The following CAPG variants were observed in gnomAD, a reference collection of about 807,000 sequenced individuals.
CAPG encodes the protein macrophage-capping protein.
A neutral mutation model predicts 44.6 loss-of-function variants in CAPG; 32 were observed. The ratio of observed to expected loss-of-function variants is 0.72; its 90% confidence interval spans 0.54 to 0.96. The LOEUF is 0.96. CAPG is among the 50% of genes least tolerant of loss of function. The pLI is 0.00. For missense variants in CAPG, 412 were observed against 438.3 expected (o/e 0.94, Z 0.54); for synonymous variants, 175 against 179.6 (o/e 0.97, Z 0.20).
At chr2:85,404,488 C>G (rs1260611681) in intron 1 of CAPG, among the ~76,000 whole-genome samples, 1 of 152,148 alleles carries the variant, frequency 6.6e-6, no homozygotes, top group East Asian at 1.9e-4. Flanking sequence ...CAGTGGCTCA[C>G]ACCTGTAATT....
rs763900464 is a variant in CAPG at position 85,401,639 on chromosome 2, C to G, written c.241G>C (p.Ala81Pro). The change falls in exon 4 of 10, where the codon GCT (alanine) becomes CCT (proline). Residue 81 changes from alanine to proline, a missense_variant. Ala to Pro is a conservative substitution (Grantham distance 27). Coordinates refer to ENST00000263867, the MANE Select transcript of CAPG (RefSeq NM_001747.4). ...CCCAGCAGCGTGTTGAGGTGCACAGCCAGCACGGCACAGGCCCCCTGCTCA... is the reference window on the plus strand; with the variant it reads ...CCCAGCAGCGTGTTGAGGTGCACAGGCAGCACGGCACAGGCCCCCTGCTCA... Reference protein sequence around the residue: ...RDEQGACAVLAVHLNTLLGER... With the variant: ...RDEQGACAVLPVHLNTLLGER... The G allele has an allele frequency of 3.0e-5, 48 of 1,614,004 alleles. No individual in the cohort carries two copies. The highest frequency in any genetic ancestry group is 3.9e-5 in the Non-Finnish European group (46 of 1,179,984).
downstream of CAPG, chr2:85,394,683 C>T (rs1393005172): frequency 4.8e-6 from 3 of 621,352 alleles, no homozygotes; most frequent in Non-Finnish European, 8.8e-6. Flanking sequence ...GTGTGCTACT[C>T]CACCCCCAGC....
intron 1 of CAPG, among the ~76,000 whole-genome samples, chr2:85,402,897 A>G (rs1411042075): frequency 1.3e-5 from 2 of 151,890 alleles, no homozygotes; most frequent in African/African-American, 2.4e-5. Context: ...CAGCTTCCCA[A>G]GTAGCTGGGA....
chr2:85,397,731 A>AGAAAGAAAGAAAGAAAGAAAGAAGGAAG (rs1686672145), intron 8 of CAPG, among the ~76,000 whole-genome samples: 1 of 148,854 alleles, frequency 6.7e-6, no homozygotes, highest in African/African-American at 2.5e-5. Flanking sequence ...AAAGAAAGAA[A>AGAAAGAAAGAAAGAAAGAAAGAAGGAAG]ATAGCAAGGC....
chr2:85,398,349 T>A, intron 7 of CAPG, 197 bp from the exon 8 acceptor site: 1 of 633,402 alleles, frequency 1.6e-6, no homozygotes, highest in South Asian at 2.0e-5. Context: ...ATCACCCCAA[T>A]CCCTGCAGCA....
At position 85,401,693 on chromosome 2, in the gene CAPG, G is replaced by A. The variant is rs747222141; in HGVS notation, c.197-10C>T. ...CGGGATGACTGCTGGCCTGGGACAA[G>A]TGGGAGAGGGCAGGGCAAGGCCCTT... On this transcript the variant is annotated splice_polypyrimidine_tract_variant and intron_variant, in intron 3 of 9. Transcript: ENST00000263867. 18 of 1,614,112 alleles carry A rather than the reference G, an allele frequency of 1.1e-5. No homozygotes were observed. The East Asian group carries it at 4.0e-4, about 36-fold the overall frequency.
chr2:85,397,997 G>C lies in CAPG; in HGVS notation c.892+23C>G, dbSNP rs772217510. The C allele has an allele frequency of 5.4e-5, 87 of 1,610,128 alleles. 1 individual carries two copies. The East Asian group carries it at 1.1e-3, about 20-fold the overall frequency. On this transcript the variant is annotated intron_variant, in intron 8 of 9. Transcript: ENST00000263867. ...GTCAGAGCAGCTACAGGCATCTCAG[G>C]CTGTTACAGAGGAGCCACGTACCCT...
intron 1 of CAPG, among the ~76,000 whole-genome samples, chr2:85,406,722 G>A (rs913631593): frequency 4.6e-5 from 7 of 151,992 alleles, no homozygotes; most frequent in South Asian, 4.1e-4. Flanking sequence ...GCTGGGCTTC[G>A]TGGCTCATGC....
chr2:85,411,324 G>A (rs1011721156), upstream of CAPG, among the ~76,000 whole-genome samples: 2 of 152,356 alleles, frequency 1.3e-5, no homozygotes, highest in South Asian at 4.1e-4. Flanking sequence ...CCCATCCTGG[G>A]TTGACCCAGG....
Position 85,398,798 on chromosome 2 carries a change from C to A in CAPG, c.667-16G>T, listed in dbSNP as rs372946570. ...GGCCCAGGACCTGCAGGGGCCAGGG[C>A]AGGCCAGGTTTATAGGGACCCCTGC... is the stretch of plus-strand genomic sequence containing the variant. On this transcript the variant is annotated splice_polypyrimidine_tract_variant and intron_variant, in intron 6 of 9. Transcript: ENST00000263867. 8.2e-6 allele frequency: 13 copies of A among 1,580,894 alleles called. No individual in the cohort carries two copies. The African/African-American group carries it at 1.6e-4, about 20-fold the overall frequency.
At chr2:85,398,667 C>T (rs753821300) in intron 7 of CAPG, 23 bp downstream of exon 7, 1 of 1,576,456 alleles carries the variant, frequency 6.3e-7, no homozygotes, top group Admixed American at 1.8e-5. Context: ...TGCCGGGTCC[C>T]AGGGCAGGCT....
At chr2:85,405,792 G>A (rs1573186643) in intron 1 of CAPG, among the ~76,000 whole-genome samples, 2 of 152,174 alleles carry the variant, frequency 1.3e-5, no homozygotes, top group African/African-American at 4.8e-5. Flanking sequence ...TCCCACAGAG[G>A]ATCACATGCT....
At chr2:85,416,643 T>A (rs1203590522) in intron 1 of CAPG, among the ~76,000 whole-genome samples, 1 of 152,028 alleles carries the variant, frequency 6.6e-6, no homozygotes, top group Non-Finnish European at 1.5e-5. Context: ...CTCCCGAATA[T>A]CTGGGACTAC....
At chr2:85,404,073 G>A (rs1346309679) in intron 1 of CAPG, among the ~76,000 whole-genome samples, 2 of 151,878 alleles carry the variant, frequency 1.3e-5, no homozygotes, top group Non-Finnish European at 2.9e-5. Context: ...CCAGAAGAGA[G>A]GATTTGAATG....
intron 6 of CAPG, among the ~76,000 whole-genome samples, 157 bp downstream of exon 6, chr2:85,398,979 C>T (rs1011119363): frequency 6.6e-6 from 1 of 152,204 alleles, no homozygotes; most frequent in Non-Finnish European, 1.5e-5. Flanking sequence ...GAGCATCTAC[C>T]CAGAGGGGCA....
chr2:85,403,394 G>A (rs996961784), intron 1 of CAPG, among the ~76,000 whole-genome samples: 21 of 152,176 alleles, frequency 1.4e-4, no homozygotes, highest in African/African-American at 5.1e-4. Flanking sequence ...AAGCCCAGAT[G>A]GCTTCCCTGG....
At chr2:85,401,386 C>T (rs1023105424) in intron 4 of CAPG, 57 bp from the exon 5 acceptor site, 4 of 1,585,946 alleles carry the variant, frequency 2.5e-6, no homozygotes, top group Non-Finnish European at 3.4e-6. Context: ...GCCCTCTGCA[C>T]CCCATCCCAC....
rs372827359 is a variant in CAPG at position 85,417,670 on chromosome 2, G to C, written c.-14+597C>G. Reference sequence around the variant, plus strand: ...GGTAATTTTTTCTATTTTTAGTAGAGATGGGGTTTCGACATGTTGGCCAGG... The same window carrying C: ...GGTAATTTTTTCTATTTTTAGTAGACATGGGGTTTCGACATGTTGGCCAGG... On this transcript the variant is annotated intron_variant, in intron 1 of 5. Coordinates refer to the CAPG transcript ENST00000409275. 4.3e-4 allele frequency among the ~76,000 whole-genome samples: 66 copies of C among 152,116 alleles called. 1 individual carries two copies. Among genetic ancestry groups the C allele is most frequent in the African/African-American group, 1.2e-3 (51 of 41,504 alleles).
At chr2:85,399,690 A>G (rs1209235731) in intron 5 of CAPG, among the ~76,000 whole-genome samples, 1 of 148,102 alleles carries the variant, frequency 6.8e-6, no homozygotes, top group African/African-American at 2.5e-5. Flanking sequence ...GGGTCCCACT[A>G]TGTTGCCCAG....
Sources: gnomAD v4.1 joint callset for allele counts (sites outside exome capture counted in the v4.1 genomes callset) on GRCh38, gnomAD v4.1.1 for gene constraint, MANE v1.5 for transcripts, NCBI Gene and HGNC (gene_info 2026-07-23, HGNC 2026-07-21) for gene names.